Variants in RTCB observed in about 807,000 individuals in gnomAD.
RTCB encodes the protein RNA-splicing ligase RTCB.
In RTCB, 32 loss-of-function variants were observed where a neutral mutation model predicts 58.2. The observed-to-expected ratio is 0.55, with a 90% confidence interval of 0.41 to 0.74. RTCB has a LOEUF of 0.74. RTCB is among the 30% of genes least tolerant of loss of function. The pLI, the probability that RTCB is intolerant of heterozygous loss-of-function variation, is 0.00. For synonymous variants in RTCB, 247 were observed against 218.6 expected, an observed-to-expected ratio of 1.13 and a Z score of -1.15; for missense variants, 523 against 639.0, an observed-to-expected ratio of 0.82 and a Z score of 1.96.
At chr22:32,405,352 T>C (rs886898762) in intron 4 of RTCB, among the ~76,000 whole-genome samples, 3 of 152,208 alleles carry the variant, frequency 2.0e-5, no homozygotes, top group African/African-American at 7.2e-5. Flanking sequence ...CTGGTCTATA[T>C]GATTTCAATG....
chr22:32,390,638 T>C (rs1022940434), intron 11 of RTCB, among the ~76,000 whole-genome samples: 1 of 152,052 alleles, frequency 6.6e-6, no homozygotes, highest in Admixed American at 6.6e-5. Context: ...TTAGTAGAGA[T>C]GGGGTTTCAC....
chr22:32,398,260 CAAT>C (rs1427502633), intron 6 of RTCB, among the ~76,000 whole-genome samples, 160 bp from the exon 7 acceptor site: 1 of 151,978 alleles, frequency 6.6e-6, no homozygotes, highest in Non-Finnish European at 1.5e-5. Flanking sequence ...GTTTCATTTA[CAAT>C]ATTCTACACA....
chr22:32,393,790 C>T, intron 10 of RTCB, 102 bp downstream of exon 10: 1 of 821,010 alleles, frequency 1.2e-6, no homozygotes, highest in Non-Finnish European at 2.1e-6. Context: ...AGGCCCAAGT[C>T]TCAACTCTGT....
Position 32,392,345 on chromosome 22 carries a change from G to C in RTCB, c.1305C>G (p.Ser435=). Residue 435 remains serine, a synonymous_variant, in exon 11 of 12, where the codon TCC becomes TCG. Coordinates refer to ENST00000216038, the MANE Select transcript of RTCB (RefSeq NM_014306.5). ...CTAAATTACGTCGAGATTTTGCTCG[G>C]GACAATGCACGGCCCTAGAATGGGA... The part of the protein sequence containing the change: ...TTCHGAGRAL[S]RAKSRRNLDF... 1 of 1,613,904 alleles carries C rather than the reference G, an allele frequency of 6.2e-7. No individual in the cohort carries two copies. The highest frequency in any genetic ancestry group is 8.5e-7 in the Non-Finnish European group (1 of 1,179,932).
chr22:32,404,702 A>G (rs1373468875), intron 4 of RTCB, among the ~76,000 whole-genome samples: 1 of 151,694 alleles, frequency 6.6e-6, no homozygotes, highest in African/African-American at 2.4e-5. Context: ...TTTTTGAGAC[A>G]GGGTCTCACT....
intron 5 of RTCB, 79 bp from the exon 6 acceptor site, chr22:32,399,838 C>A: frequency 7.6e-7 from 1 of 1,324,370 alleles, no homozygotes; most frequent in Non-Finnish European, 1.0e-6. Flanking sequence ...CCTTAAAGGG[C>A]AGAGAAAAAC....
intron 11 of RTCB, among the ~76,000 whole-genome samples, chr22:32,388,525 A>G (rs773450424): frequency 6.6e-6 from 1 of 152,232 alleles, no homozygotes; most frequent in Non-Finnish European, 1.5e-5. Flanking sequence ...TGGAATGAAC[A>G]TGTAGTACCT....
intron 4 of RTCB, 39 bp downstream of exon 4, chr22:32,406,623 T>G (rs1933427308): frequency 6.8e-7 from 1 of 1,460,372 alleles, no homozygotes. Flanking sequence ...GCCCGGCCAA[T>G]GCTACACACT....
chr22:32,403,279 T>C (rs1192115412), intron 4 of RTCB, among the ~76,000 whole-genome samples: 1 of 151,856 alleles, frequency 6.6e-6, no homozygotes, highest in African/African-American at 2.4e-5. Context: ...TGGTGGCGGG[T>C]GCCTGTAGTC....
Position 32,396,170 on chromosome 22 carries a change from G to A in RTCB, c.894C>T (p.Ile298=), listed in dbSNP as rs1414409934. The change falls in exon 8 of 12, where the codon ATC becomes ATT. Residue 298 remains isoleucine (I), a synonymous_variant. Coordinates refer to ENST00000216038, the MANE Select transcript of RTCB (RefSeq NM_014306.5). ...GATAGTCTTGACCCTCTGGGGAAGC[G>A]ATTCGAGCACAAGCCAACTGCCGAT... ...VNDRQLACAR[I]ASPEGQDYLK... 22 of 1,614,072 alleles carry A rather than the reference G, an allele frequency of 1.4e-5. No homozygotes were observed. Among genetic ancestry groups the A allele is most frequent in the East Asian group, 4.5e-5 (2 of 44,894 alleles).
intron 4 of RTCB, among the ~76,000 whole-genome samples, chr22:32,404,437 T>C (rs1404277203): frequency 6.6e-6 from 1 of 152,190 alleles, no homozygotes; most frequent in African/African-American, 2.4e-5. Context: ...ATTTTCTTTT[T>C]TGAGATCATG....
rs879731315 is a variant in RTCB at position 32,402,577 on chromosome 22, AT to A, written c.341-675del. On this transcript the variant is annotated intron_variant, in intron 4 of 11. Coordinates refer to ENST00000216038, the MANE Select transcript of RTCB (RefSeq NM_014306.5). ...TGATTCTCCTGCCTCAGCCTCCCGA[AT>A]AGCTGAGATTACAGGCGTGCGCCAC... 0.012 allele frequency among the ~76,000 whole-genome samples: 1,589 copies of A among 134,532 alleles called. 39 individuals are homozygous for A. The East Asian group carries it at 0.13, about 11-fold the overall frequency. 88.3% of individuals were successfully genotyped at this position (134,532 alleles called of 152,430 possible). A position where few individuals can be genotyped will look rare whatever the true frequency, so the allele number is the denominator to read the frequency against.
chr22:32,412,207 G>A lies in RTCB; in HGVS notation c.-51C>T, dbSNP rs371901126. The A allele has an allele frequency of 3.1e-4, 448 of 1,461,176 alleles. 4 individuals carry two copies. Among genetic ancestry groups the A allele is most frequent in the South Asian group, 5.7e-4 (47 of 82,822 alleles). The allele number at this position is 1,461,176 out of a possible 1,614,324, so 90.5% of individuals were successfully genotyped here. Reference sequence around the variant, plus strand: ...CCCGGCTCCGCTTTGAAGAGCCGCTGCCGCGTAGTCCGGCTTCTCAGAGCA... The same window carrying A: ...CCCGGCTCCGCTTTGAAGAGCCGCTACCGCGTAGTCCGGCTTCTCAGAGCA... On this transcript the variant is annotated 5_prime_UTR_variant, in exon 1 of 12. Transcript: ENST00000216038.
Position 32,409,759 on chromosome 22 carries a change from G to A in RTCB, c.94-926C>T, listed in dbSNP as rs560518147. 1.6e-3 allele frequency among the ~76,000 whole-genome samples: 240 copies of A among 151,934 alleles called. 1 individual carries two copies. The Middle Eastern group carries it at 0.031, about 20-fold the overall frequency. On this transcript the variant is annotated intron_variant, in intron 1 of 11. Coordinates refer to ENST00000216038, the MANE Select transcript of RTCB (RefSeq NM_014306.5). ...ACTGTCCTGGGCACTAGGGGAGATA[G>A]AAAGAATATAAGATCTTCCTTTCAA...
intron 4 of RTCB, among the ~76,000 whole-genome samples, chr22:32,402,994 C>CTGT (rs1933363073): frequency 6.6e-6 from 1 of 152,198 alleles, no homozygotes; most frequent in Admixed American, 6.5e-5. Context: ...ATCCTCCTGC[C>CTGT]TCGGCCTCCC....
Position 32,388,072 on chromosome 22 carries a change from C to G in RTCB, c.1438G>C (p.Asp480His), listed in dbSNP as rs921029691. The G allele has an allele frequency of 6.2e-7, 1 of 1,613,456 alleles. No individual in the cohort carries two copies. Among genetic ancestry groups the G allele is most frequent in the East Asian group, 2.2e-5 (1 of 44,882 alleles). Residue 480 changes from aspartate to histidine, a missense_variant, in exon 12 of 12, where the codon GAT (aspartate) becomes CAT (histidine). By Grantham distance (81) the Asp-to-His change is moderately conservative. This residue lies in a region of RTCB where 248 missense variants were observed against 292.5 expected (regional missense o/e 0.85). Transcript: ENST00000216038. ...GCATCATGGCAGGTATTTACCACATCTGTCACATTCTTATAGGACTCAGGA... is the reference window on the plus strand; with the variant it reads ...GCATCATGGCAGGTATTTACCACATGTGTCACATTCTTATAGGACTCAGGA... The part of the protein sequence containing the change: ...EAPESYKNVT[D>H]VVNTCHDAGI...
chr22:32,389,712 G>A (rs1933120147), intron 11 of RTCB, among the ~76,000 whole-genome samples: 1 of 152,116 alleles, frequency 6.6e-6, no homozygotes, highest in Non-Finnish European at 1.5e-5. Flanking sequence ...TCTATTCAAG[G>A]ACACTTCTCC....
chr22:32,408,825 A>G lies in RTCB; in HGVS notation c.102T>C (p.Gly34=), dbSNP rs747126095. ...CCAGAGCATCATTCACATAGAAAACACCTTCAACCTAGTACCAAGGAAAGT... is the reference window on the plus strand; with the variant it reads ...CCAGAGCATCATTCACATAGAAAACGCCTTCAACCTAGTACCAAGGAAAGT... ...KGFVPNMQVE[G]VFYVNDALEK... is the part of the protein sequence containing the mutation. Residue 34 remains glycine (G), a synonymous_variant, in exon 2 of 12, where the codon GGT becomes GGC. Coordinates refer to ENST00000216038, the MANE Select transcript of RTCB (RefSeq NM_014306.5). 128 of 1,612,902 alleles carry G rather than the reference A, an allele frequency of 7.9e-5. No individual in the cohort carries two copies. The highest frequency in any genetic ancestry group is 1.0e-4 in the Non-Finnish European group (118 of 1,178,974).
intron 10 of RTCB, 25 bp from the exon 11 acceptor site, chr22:32,392,384 T>C: frequency 6.2e-7 from 1 of 1,613,170 alleles, no homozygotes; most frequent in South Asian, 1.1e-5. Context: ...GAATGAACTT[T>C]ACTTTAAACC....
Sources: gnomAD v4.1 joint callset for allele counts (sites outside exome capture counted in the v4.1 genomes callset) on GRCh38, gnomAD v4.1.1 for gene constraint, gnomAD v4.1.1 regional missense constraint, MANE v1.5 for transcripts, NCBI Gene and HGNC (gene_info 2026-07-23, HGNC 2026-07-21) for gene names.